The following CTNNA3 variants were observed in gnomAD, a reference collection of about 807,000 sequenced individuals.
The protein encoded by CTNNA3 is catenin alpha-3.
CTNNA3 carries 76 observed loss-of-function variants against 95.7 expected under a neutral mutation model. The ratio of observed to expected loss-of-function variants is 0.79; its 90% CI spans 0.66 to 0.96. The LOEUF is 0.96. CTNNA3 is among the 40% of genes least tolerant of loss of function. The pLI is 0.00. For missense variants in CTNNA3, 1,191 were observed against 1,089.8 expected (o/e 1.09, Z -1.31); for synonymous variants, 431 against 374.4 (o/e 1.15, Z -1.74).
At chr10:66,664,917 T>TCC (rs1243546410) in intron 9 of CTNNA3, among the ~76,000 whole-genome samples, 2 of 143,044 alleles carry the variant, frequency 1.4e-5, no homozygotes, top group Non-Finnish European at 3.0e-5. Context: ...AAAACAGAGA[T>TCC]CCAGACCTTC....
intron 2 of CTNNA3, among the ~76,000 whole-genome samples, chr10:67,617,533 C>T (rs543554846): frequency 4.6e-5 from 7 of 152,088 alleles, no homozygotes; most frequent in African/African-American, 1.7e-4. Flanking sequence ...GATTCCATGA[C>T]TTTGCTATTG....
chr10:67,258,439 C>T (rs1227765122), intron 5 of CTNNA3, among the ~76,000 whole-genome samples: 10 of 152,042 alleles, frequency 6.6e-5, no homozygotes, highest in Non-Finnish European at 8.8e-5. Context: ...CCACAGTGCC[C>T]GGCCACAATG....
At chr10:66,185,151 T>C (rs577549687) in intron 13 of CTNNA3, among the ~76,000 whole-genome samples, 1 of 152,274 alleles carries the variant, frequency 6.6e-6, no homozygotes, top group East Asian at 1.9e-4. Flanking sequence ...GATTACTAAG[T>C]TAGAAACAAT....
intron 7 of CTNNA3, among the ~76,000 whole-genome samples, chr10:66,890,502 G>T (rs764671002): frequency 2.6e-5 from 4 of 152,132 alleles, no homozygotes; most frequent in Non-Finnish European, 4.4e-5. Context: ...ATTGATACTG[G>T]TGAGAGATGG....
At position 66,486,743 on chromosome 10, in the gene CTNNA3, T is replaced by G. The variant is rs547281108; in HGVS notation, c.1531+33874A>C. Among the ~76,000 whole-genome samples, 3 of 152,132 alleles carry G rather than the reference T, an allele frequency of 2.0e-5. No homozygotes were observed. In the East Asian group the frequency reaches 5.8e-4, roughly 29 times the overall value. On this transcript the variant is annotated intron_variant, in intron 11 of 17. Transcript: ENST00000433211. ...TTTTAAAGAGAAATCTGAACTCCCA[T>G]GCTCATTGCAGTGTTACTCGCAGAA...
At chr10:67,310,411 T>G (rs554911644) in intron 5 of CTNNA3, among the ~76,000 whole-genome samples, 1 of 152,270 alleles carries the variant, frequency 6.6e-6, no homozygotes, top group South Asian at 2.1e-4. Context: ...AAAAACTTCT[T>G]TTTAAAAGCA....
chr10:66,007,724 C>CCCTACCTT (rs1564573807), intron 15 of CTNNA3, among the ~76,000 whole-genome samples: 3 of 40,696 alleles, frequency 7.4e-5, no homozygotes, highest in Admixed American at 5.0e-4. Flanking sequence ...CTCCCTCCCT[C>CCCTACCTT]CCTTTCTTCC....
chr10:67,180,555 C>T (rs1862486828), intron 6 of CTNNA3, 35 bp from the exon 7 acceptor site: 1 of 1,497,468 alleles, frequency 6.7e-7, no homozygotes, highest in Non-Finnish European at 9.3e-7. Flanking sequence ...GTTAGAGCTC[C>T]ATGGCATTTC....
intron 12 of CTNNA3, among the ~76,000 whole-genome samples, chr10:66,373,173 T>A (rs920048569): frequency 6.6e-6 from 1 of 152,156 alleles, no homozygotes; most frequent in African/African-American, 2.4e-5. Context: ...AGATTTTGCA[T>A]CACACAATAC....
intron 11 of CTNNA3, among the ~76,000 whole-genome samples, chr10:66,439,785 G>A (rs1345617387): frequency 6.6e-6 from 1 of 151,982 alleles, no homozygotes; most frequent in Non-Finnish European, 1.5e-5. Context: ...GTTACACTAG[G>A]TTATGAAGGA....
rs563198778 is a variant in CTNNA3 at position 67,325,997 on chromosome 10, G to T, written c.580-106127C>A. ...TGTAATGCCCTTCTTTGCATTTTTT[G>T]ATCTTTGTTGGCTGGCTTAACATCT... On this transcript the variant is annotated intron_variant, in intron 5 of 17. Coordinates refer to ENST00000433211, the MANE Select transcript of CTNNA3 (RefSeq NM_013266.4). Among the ~76,000 whole-genome samples, 8 of 152,116 alleles carry T rather than the reference G, an allele frequency of 5.3e-5. No individual in the cohort carries two copies. In the South Asian group the frequency reaches 8.3e-4, roughly 16 times the overall value.
intron 5 of CTNNA3, among the ~76,000 whole-genome samples, chr10:67,268,366 T>C (rs1283927108): frequency 2.1e-5 from 3 of 139,824 alleles, no homozygotes; most frequent in African/African-American, 8.4e-5. Context: ...AATAAATAAA[T>C]AAAAAATCAG....
intron 12 of CTNNA3, among the ~76,000 whole-genome samples, chr10:66,346,031 C>T (rs1387778483): frequency 7.3e-6 from 1 of 136,220 alleles, no homozygotes; most frequent in Admixed American, 7.8e-5. Context: ...GAGCCGAGAT[C>T]GCACCACTGC....
intron 13 of CTNNA3, among the ~76,000 whole-genome samples, chr10:66,193,711 G>A (rs2086797439): frequency 6.6e-6 from 1 of 151,942 alleles, no homozygotes; most frequent in African/African-American, 2.4e-5. Context: ...CTGTTGCTTG[G>A]CTTTATTTCA....
chr10:65,971,477 T>C (rs2078101376), intron 16 of CTNNA3, among the ~76,000 whole-genome samples: 2 of 148,988 alleles, frequency 1.3e-5, no homozygotes. Flanking sequence ...CAGTCAGAAG[T>C]TATAAAAGTG....
At chr10:67,701,174 G>C (rs1342176141), upstream of CTNNA3, among the ~76,000 whole-genome samples, 2 of 152,222 alleles carry the variant, frequency 1.3e-5, no homozygotes. Context: ...GTGATGGGCA[G>C]AATGGAACCA....
At chr10:67,640,017 C>CAGG (rs775219688) in intron 2 of CTNNA3, among the ~76,000 whole-genome samples, 9 of 150,924 alleles carry the variant, frequency 6.0e-5, no homozygotes, top group East Asian at 2.0e-4. Flanking sequence ...GGCAATCAGG[C>CAGG]AGAAGGAAAT....
chr10:66,412,960 G>A (rs1241622369), intron 11 of CTNNA3, among the ~76,000 whole-genome samples: 1 of 152,104 alleles, frequency 6.6e-6, no homozygotes, highest in Non-Finnish European at 1.5e-5. Context: ...CCAAAAGAAA[G>A]ATAACATACA....
intron 5 of CTNNA3, among the ~76,000 whole-genome samples, chr10:67,289,861 A>G (rs1839764921): frequency 6.6e-6 from 1 of 151,802 alleles, no homozygotes; most frequent in South Asian, 2.1e-4. Context: ...CCCATGATGG[A>G]GTGGAGTGGC....
Sources: gnomAD v4.1 joint callset for allele counts (sites outside exome capture counted in the v4.1 genomes callset) on GRCh38, gnomAD v4.1.1 for gene constraint, MANE v1.5 for transcripts, NCBI Gene and HGNC (gene_info 2026-07-23, HGNC 2026-07-21) for gene names.